VWC2: variants seen among roughly 807,000 people sequenced by gnomAD.
VWC2 encodes brorin.
VWC2 carries 14 observed loss-of-function variants against 29.8 expected under a neutral mutation model. The observed-to-expected ratio is 0.47, with a 90% CI of 0.31 to 0.74. VWC2 has a LOEUF of 0.74. VWC2 is among the 30% of genes least tolerant of loss of function. The pLI is 0.05. For synonymous variants in VWC2, 213 were observed against 199.0 expected, an observed-to-expected ratio of 1.07 and a Z score of -0.59; for missense variants, 457 against 459.8, an observed-to-expected ratio of 0.99 and a Z score of 0.05.
intron 3 of VWC2, among the ~76,000 whole-genome samples, chr7:49,863,526 G>T (rs1273067628): frequency 1.3e-5 from 2 of 152,014 alleles, no homozygotes; most frequent in Non-Finnish European, 2.9e-5. Context: ...CCACCTCCTG[G>T]GCTCAAGCGA....
At chr7:49,855,533 G>A (rs1011813980) in intron 3 of VWC2, among the ~76,000 whole-genome samples, 4 of 152,200 alleles carry the variant, frequency 2.6e-5, no homozygotes, top group Non-Finnish European at 4.4e-5. Context: ...AAGGCTCAGC[G>A]AGGACAGGTT....
chr7:49,820,825 C>T (rs888123854), intron 3 of VWC2, among the ~76,000 whole-genome samples: 2 of 152,124 alleles, frequency 1.3e-5, no homozygotes, highest in African/African-American at 4.8e-5. Flanking sequence ...GACAGTCATC[C>T]CTCATAGGTG....
chr7:49,784,275 C>T (rs1363497877), intron 2 of VWC2, among the ~76,000 whole-genome samples: 1 of 152,222 alleles, frequency 6.6e-6, no homozygotes, highest in African/African-American at 2.4e-5. Context: ...ATTATTTACT[C>T]CCTCCCCATC....
At chr7:49,808,464 C>T (rs962983024) in intron 3 of VWC2, among the ~76,000 whole-genome samples, 3 of 152,062 alleles carry the variant, frequency 2.0e-5, no homozygotes, top group Non-Finnish European at 4.4e-5. Context: ...TAAATAATTC[C>T]TAGAAAATCT....
intron 2 of VWC2, among the ~76,000 whole-genome samples, chr7:49,791,405 C>T (rs1456321377): frequency 6.6e-6 from 1 of 152,214 alleles, no homozygotes; most frequent in East Asian, 1.9e-4. Flanking sequence ...AATCATGTAA[C>T]AGGGTCAAAA....
chr7:49,788,692 G>GGT (rs34971813), intron 2 of VWC2, among the ~76,000 whole-genome samples: 6 of 143,544 alleles, frequency 4.2e-5, no homozygotes, highest in South Asian at 2.2e-4. Context: ...GGTGTGTGAG[G>GGT]GTGTGTGTGT....
chr7:49,905,215 C>T (rs1266761494), intron 3 of VWC2, among the ~76,000 whole-genome samples: 1 of 152,162 alleles, frequency 6.6e-6, no homozygotes, highest in Non-Finnish European at 1.5e-5. Context: ...GCATATTCAA[C>T]ATGGGCAGTT....
At chr7:49,854,650 C>A (rs1790342194) in intron 3 of VWC2, among the ~76,000 whole-genome samples, 1 of 152,130 alleles carries the variant, frequency 6.6e-6, no homozygotes, top group African/African-American at 2.4e-5. Context: ...AATTTTTCTC[C>A]CATTCTGTAG....
Position 49,908,809 on chromosome 7 carries a change from C to T in VWC2, c.827-3225C>T, listed in dbSNP as rs1454489647. On this transcript the variant is annotated intron_variant, in intron 3 of 3. Coordinates refer to ENST00000340652, the MANE Select transcript of VWC2 (RefSeq NM_198570.5). ...AAAGACATGAGAGCTAGCTTGAAGT[C>T]CAGATCTCCCATTAGCCAAATTTTG... 2.0e-5 allele frequency among the ~76,000 whole-genome samples: 3 copies of T among 152,090 alleles called. No individual in the cohort carries two copies. In the East Asian group the frequency reaches 5.8e-4, roughly 29 times the overall value.
At chr7:49,814,478 T>C (rs553480016) in intron 3 of VWC2, among the ~76,000 whole-genome samples, 1 of 152,334 alleles carries the variant, frequency 6.6e-6, no homozygotes, top group East Asian at 1.9e-4. Context: ...TTTGTAAATT[T>C]GAGAACAATT....
rs767654804 is a variant in VWC2, at chr7:49,915,540, G to C, written c.*3355G>C. On this transcript the variant is annotated 3_prime_UTR_variant, in exon 4 of 4. Coordinates refer to ENST00000340652, the MANE Select transcript of VWC2 (RefSeq NM_198570.5). ...AAGTCCTAAAAAATCATAAAATTCA[G>C]ATGTTTAATTTTTGTTTTTAAGCAG... 3 of 152,126 alleles carry C rather than the reference G, an allele frequency of 2.0e-5. No homozygotes were observed. Among genetic ancestry groups the C allele is most frequent in the Non-Finnish European group, 4.4e-5 (3 of 68,012 alleles). The allele number at this position is 152,126 out of a possible 1,614,324, so 9.4% of individuals were successfully genotyped here. A position where few individuals can be genotyped will look rare whatever the true frequency, so the allele number is the denominator to read the frequency against.
intron 2 of VWC2, among the ~76,000 whole-genome samples, chr7:49,799,063 G>C (rs1788670838): frequency 6.6e-6 from 1 of 152,202 alleles, no homozygotes; most frequent in Non-Finnish European, 1.5e-5. Context: ...GGGCTCAGGG[G>C]GTTGGCATGG....
At chr7:49,908,523 ATAAT>A (rs918390583) in intron 3 of VWC2, among the ~76,000 whole-genome samples, 34 of 152,210 alleles carry the variant, frequency 2.2e-4, no homozygotes, top group Admixed American at 1.5e-3. Context: ...TTTTTGAATT[ATAAT>A]TAATATTATG....
intron 3 of VWC2, among the ~76,000 whole-genome samples, chr7:49,853,788 G>A (rs1262595801): frequency 3.3e-5 from 5 of 151,758 alleles, no homozygotes; most frequent in African/African-American, 7.3e-5. Flanking sequence ...ATATGTATAC[G>A]TGTGCCATGT....
intron 2 of VWC2, among the ~76,000 whole-genome samples, chr7:49,783,684 C>G (rs1159738358): frequency 2.6e-5 from 4 of 152,186 alleles, no homozygotes; most frequent in African/African-American, 9.7e-5. Context: ...AGGATGATGT[C>G]AGGCCTCTGC....
chr7:49,827,210 T>C (rs938662076), intron 3 of VWC2, among the ~76,000 whole-genome samples: 3 of 152,192 alleles, frequency 2.0e-5, no homozygotes, highest in African/African-American at 7.2e-5. Flanking sequence ...TATGTTTAGA[T>C]TTTAAGTACT....
At chr7:49,873,944 T>C (rs1433078781) in intron 3 of VWC2, among the ~76,000 whole-genome samples, 1 of 151,924 alleles carries the variant, frequency 6.6e-6, no homozygotes, top group Non-Finnish European at 1.5e-5. Context: ...GAAACAGTAT[T>C]AGTATGATAC....
At chr7:49,892,595 T>C (rs1433343703) in intron 3 of VWC2, among the ~76,000 whole-genome samples, 4 of 152,182 alleles carry the variant, frequency 2.6e-5, no homozygotes, top group Non-Finnish European at 5.9e-5. Flanking sequence ...TTGATTTGTG[T>C]TGCAGTTTCA....
At chr7:49,839,405 C>A (rs1248447175) in intron 3 of VWC2, among the ~76,000 whole-genome samples, 1 of 152,126 alleles carries the variant, frequency 6.6e-6, no homozygotes, top group African/African-American at 2.4e-5. Flanking sequence ...TGCTCTAATG[C>A]CATCAAATTT....
Sources: gnomAD v4.1 joint callset for allele counts (sites outside exome capture counted in the v4.1 genomes callset) on GRCh38, gnomAD v4.1.1 for gene constraint, MANE v1.5 for transcripts, NCBI Gene and HGNC (gene_info 2026-07-23, HGNC 2026-07-21) for gene names.